LETM2: variants seen among roughly 807,000 people sequenced by gnomAD.
LETM2 encodes the protein LETM1 domain-containing protein LETM2, mitochondrial.
A neutral mutation model predicts 59.6 loss-of-function variants in LETM2; 58 were observed. That is an observed-to-expected ratio of 0.97 (90% CI 0.79 to 1.21). The LOEUF (loss-of-function observed/expected upper bound fraction) is 1.21. Among genes scored for constraint, LETM2 ranks in the 50% most tolerant of loss-of-function variants. The pLI is 0.00. For missense variants in LETM2, 572 were observed against 575.7 expected (o/e 0.99, Z 0.07); for synonymous variants, 199 against 214.1 (o/e 0.93, Z 0.62).
At chr8:38,400,572 GT>G in intron 5 of LETM2, 163 bp downstream of exon 5, 3 of 722,744 alleles carry the variant, frequency 4.2e-6, no homozygotes, top group Non-Finnish European at 6.4e-6. Context: ...AACATTGATA[GT>G]AGTTTGCAGA....
At chr8:38,386,272 A>G (rs1811769979), upstream of LETM2, 1 of 152,284 alleles carries the variant, frequency 6.6e-6, no homozygotes, top group Non-Finnish European at 1.5e-5. Context: ...GGACTGGCAG[A>G]AAAACGTCAC....
Position 38,408,269 on chromosome 8 carries a change from G to C in LETM2, c.1471G>C (p.Ala491Pro). 6.2e-7 allele frequency: 1 copy of C among 1,612,478 alleles called. No individual in the cohort carries two copies. The highest frequency in any genetic ancestry group is 8.5e-7 in the Non-Finnish European group (1 of 1,179,240). The change falls in exon 11 of 11, where the codon GCA becomes CCA. Residue 491 changes from alanine to proline, a missense_variant. By Grantham distance (27) the Ala-to-Pro change is conservative. Transcript: ENST00000379957. Reference sequence around the variant, plus strand: ...GAACAGCAAGGCTAGTTCAAAAGGAGCATAAAGGACTACTTGAGGATGGAG... The same window carrying C: ...GAACAGCAAGGCTAGTTCAAAAGGACCATAAAGGACTACTTGAGGATGGAG... ...AQNSKASSKG[A>P]
chr8:38,399,152 C>T (rs893417365), intron 4 of LETM2, among the ~76,000 whole-genome samples: 27 of 151,766 alleles, frequency 1.8e-4, no homozygotes, highest in Middle Eastern at 3.4e-3. Context: ...TAAAAATATA[C>T]GTAGATTCCT....
At position 38,408,807 on chromosome 8, in the gene LETM2, C is replaced by T. The variant is rs1187455060; in HGVS notation, c.*533C>T. ...ATCTTTCTGGATATAATGAAGCTTC[C>T]TGGAGAAACAGACTGGCAATCAGAA... On this transcript the variant is annotated 3_prime_UTR_variant, in exon 11 of 11. Coordinates refer to ENST00000379957, the MANE Select transcript of LETM2 (RefSeq NM_001286819.2). 5 of 152,366 alleles carry T rather than the reference C, an allele frequency of 3.3e-5. No individual in the cohort carries two copies. Among genetic ancestry groups the T allele is most frequent in the Non-Finnish European group, 7.3e-5 (5 of 68,184 alleles). The allele number at this position is 152,366 out of a possible 1,614,324, so 9.4% of individuals were successfully genotyped here.
In LETM2 at chr8:38,392,615, T is replaced by C. The variant is rs748865530; in HGVS notation, c.121T>C (p.Ser41Pro). The C allele has an allele frequency of 1.2e-6, 2 of 1,613,920 alleles. No homozygotes were observed. The highest frequency in any genetic ancestry group is 1.7e-6 in the Non-Finnish European group (2 of 1,179,940). Residue 41 changes from serine to proline, a missense_variant, in exon 3 of 11, where the codon TCC becomes CCC. Ser to Pro is a moderately conservative substitution (Grantham distance 74). Transcript: ENST00000379957. ...ATGTGCATTTCTTCACTTGCCAGAT[T>C]CCCATTTAAATAAGACATGTATGAA... is the stretch of plus-strand genomic sequence containing the variant. The part of the protein sequence containing the change: ...PSCAFLHLPD[S>P]HLNKTCMKNY...
chr8:38,393,127 C>A, intron 3 of LETM2, 132 bp downstream of exon 3: 4 of 751,514 alleles, frequency 5.3e-6, no homozygotes, highest in Non-Finnish European at 8.5e-6. Context: ...TGGTGAGAAC[C>A]AGTTTCTTGT....
At chr8:38,407,142 C>A in intron 9 of LETM2, 104 bp downstream of exon 9, 1 of 756,610 alleles carries the variant, frequency 1.3e-6, no homozygotes, top group South Asian at 1.6e-5. Flanking sequence ...AAATTCAATA[C>A]AATAATGTTC....
At chr8:38,383,963 C>A (rs1426495303), upstream of LETM2, among the ~76,000 whole-genome samples, 1 of 151,620 alleles carries the variant, frequency 6.6e-6, no homozygotes, top group Non-Finnish European at 1.5e-5. Flanking sequence ...TACTATTAAT[C>A]ATTAAATATT....
rs576255195 is a variant in LETM2 at position 38,409,374 on chromosome 8, T to C, written c.*1100T>C. The C allele has an allele frequency of 1.3e-5, 2 of 152,338 alleles. No homozygotes were observed. The highest frequency in any genetic ancestry group is 1.9e-4 in the East Asian group (1 of 5,186). 9.4% of individuals were successfully genotyped at this position (152,338 alleles called of 1,614,324 possible). A position where few individuals can be genotyped will look rare whatever the true frequency, so the allele number is the denominator to read the frequency against. ...CACAGCAAGAATATGCATTCTACAATGCTTTCTAAATTTGTGCTCCATCAG... is the reference window on the plus strand; with the variant it reads ...CACAGCAAGAATATGCATTCTACAACGCTTTCTAAATTTGTGCTCCATCAG... On this transcript the variant is annotated 3_prime_UTR_variant, in exon 11 of 11. Transcript: ENST00000379957.
At chr8:38,390,077 T>TG (rs1295481436) in intron 2 of LETM2, among the ~76,000 whole-genome samples, 1 of 150,380 alleles carries the variant, frequency 6.6e-6, no homozygotes, top group Non-Finnish European at 1.5e-5. Flanking sequence ...TAAAACTAGC[T>TG]GGGCGTGGTG....
chr8:38,404,841 G>A (rs1001305087), intron 8 of LETM2: 16 of 203,758 alleles, frequency 7.9e-5, no homozygotes, highest in South Asian at 2.2e-4. Flanking sequence ...TTAGCTGGGC[G>A]TGGTGGCGGG....
chr8:38,405,373 TCTGA>T (rs1240047838), intron 8 of LETM2, among the ~76,000 whole-genome samples: 2 of 152,180 alleles, frequency 1.3e-5, no homozygotes, highest in Admixed American at 6.5e-5. Context: ...TGGCTTCCTG[TCTGA>T]CTCAGAACCC....
In LETM2 at chr8:38,407,405, T is replaced by C. The variant is rs764184697; in HGVS notation, c.1355T>C (p.Ile452Thr). ...IQPPPVTSSP[I>T]TPSTPISLPK... Reference sequence around the variant, plus strand: ...CCGCCACCAGTTACATCATCACCCATAACACCATCAACACCTATTTCATTA... The same window carrying C: ...CCGCCACCAGTTACATCATCACCCACAACACCATCAACACCTATTTCATTA... Residue 452 changes from isoleucine (I) to threonine (T), a missense_variant, in exon 10 of 11, where the codon ATA (isoleucine) becomes ACA (threonine). Coordinates refer to ENST00000379957, the MANE Select transcript of LETM2 (RefSeq NM_001286819.2). The C allele has an allele frequency of 6.2e-7, 1 of 1,613,568 alleles. No homozygotes were observed. The highest frequency in any genetic ancestry group is 8.5e-7 in the Non-Finnish European group (1 of 1,179,592).
chr8:38,408,374 CG>C lies in LETM2; in HGVS notation c.*102del. ...GATAAGACTGTCTGGCTTCAGAGAG[CG>C]GATCAGCTGTTTAGCCCGTGGGGCA... On this transcript the variant is annotated 3_prime_UTR_variant, in exon 11 of 11. Transcript: ENST00000379957. 1.9e-6 allele frequency: 2 copies of C among 1,054,096 alleles called. No individual in the cohort carries two copies. The highest frequency in any genetic ancestry group is 2.6e-5 in the East Asian group (1 of 38,472). The allele number at this position is 1,054,096 out of a possible 1,614,324, so 65.3% of individuals were successfully genotyped here.
At chr8:38,393,146 G>A (rs764214854) in intron 3 of LETM2, 151 bp downstream of exon 3, 5 of 643,570 alleles carry the variant, frequency 7.8e-6, no homozygotes, top group African/African-American at 3.7e-5. Flanking sequence ...GTCTGCAACC[G>A]ACTTACTGTA....
chr8:38,403,141 A>T (rs1813383551), intron 7 of LETM2, among the ~76,000 whole-genome samples: 1 of 152,048 alleles, frequency 6.6e-6, no homozygotes, highest in East Asian at 1.9e-4. Flanking sequence ...TCATGCTTGA[A>T]ATCTCCAATT....
chr8:38,390,692 G>GT (rs1812171012), intron 2 of LETM2, among the ~76,000 whole-genome samples: 1 of 117,652 alleles, frequency 8.5e-6, no homozygotes, highest in African/African-American at 3.0e-5. Context: ...TTTGTTTTTT[G>GT]TTTTTTTGTG....
Position 38,408,238 on chromosome 8 carries a change from G to C in LETM2, c.1440G>C (p.Thr480=). The C allele has an allele frequency of 6.2e-7, 1 of 1,613,024 alleles. No individual in the cohort carries two copies. Among genetic ancestry groups the C allele is most frequent in the Non-Finnish European group, 8.5e-7 (1 of 1,179,622 alleles). The part of the protein sequence containing the change: ...EPTLQAKSQM[T]AQNSKASSKG... ...CACTCCAGGCCAAATCACAAATGAC[G>C]GCCCAGAACAGCAAGGCTAGTTCAA... The change falls in exon 11 of 11, where the codon ACG becomes ACC. Residue 480 remains threonine, a synonymous_variant. Transcript: ENST00000379957.
At chr8:38,398,861 AGGCATGT>A (rs1279456876) in intron 4 of LETM2, among the ~76,000 whole-genome samples, 1 of 151,896 alleles carries the variant, frequency 6.6e-6, no homozygotes, top group Non-Finnish European at 1.5e-5. Flanking sequence ...CTGGAATTAC[AGGCATGT>A]GCCACCACGC....
Sources: allele counts gnomAD v4.1 joint callset (sites outside exome capture counted in the v4.1 genomes callset), GRCh38; gene constraint gnomAD v4.1.1; transcripts MANE v1.5; gene names NCBI Gene and HGNC (gene_info 2026-07-23, HGNC 2026-07-21).